The following RALGAPA1 variants were observed in gnomAD, a reference collection of about 807,000 sequenced individuals.
RALGAPA1 encodes the protein Ral GTPase activating protein catalytic subunit alpha 1, also known as ral GTPase-activating protein subunit alpha-1.
RALGAPA1 carries 52 observed loss-of-function variants against 269.6 expected under a neutral mutation model. The ratio of observed to expected loss-of-function variants is 0.19; its 90% CI spans 0.15 to 0.24. RALGAPA1 has a LOEUF of 0.24. RALGAPA1 is among the 10% of genes least tolerant of loss of function. RALGAPA1 has a pLI of 1.00. For synonymous variants in RALGAPA1, 817 were observed against 1,008.3 expected, an observed-to-expected ratio of 0.81 and a Z score of 3.60; for missense variants, 1,917 against 3,013.9, an observed-to-expected ratio of 0.64 and a Z score of 8.52.
rs536881156 is a variant in RALGAPA1, at chr14:35,670,878, G to A, written c.5202+511C>T. On this transcript the variant is annotated intron_variant, in intron 26 of 41. Transcript: ENST00000680220. ...GCGGAGGCTGCAGTGAGCCAAGATC[G>A]CACCACTGCACTCCAGCCTGGGCGA... 8.6e-5 allele frequency among the ~76,000 whole-genome samples: 13 copies of A among 150,970 alleles called. No homozygotes were observed. The East Asian group carries it at 2.1e-3, about 25-fold the overall frequency.
intron 37 of RALGAPA1, among the ~76,000 whole-genome samples, chr14:35,593,893 A>G (rs926222711): frequency 6.6e-6 from 1 of 151,892 alleles, no homozygotes; most frequent in Admixed American, 6.6e-5. Flanking sequence ...ATTATATTAC[A>G]AAGCTACAGT....
rs191314985 is a variant in RALGAPA1, at chr14:35,561,274, C to T, written c.7496+9343G>A. ...AAAATACAGTAACATCATCAACAGGCATATACTGCCATTTTTGAAAAGAAT... is the reference window on the plus strand; with the variant it reads ...AAAATACAGTAACATCATCAACAGGTATATACTGCCATTTTTGAAAAGAAT... On this transcript the variant is annotated intron_variant, in intron 39 of 41. Transcript: ENST00000680220. 3.4e-3 allele frequency among the ~76,000 whole-genome samples: 488 copies of T among 142,308 alleles called. 3 individuals carry two copies. Among genetic ancestry groups the T allele is most frequent in the African/African-American group, 0.012 (461 of 38,826 alleles). The allele number at this position is 142,308 out of a possible 152,430, so 93.4% of individuals were successfully genotyped here. A position where few individuals can be genotyped will look rare whatever the true frequency, so the allele number is the denominator to read the frequency against.
chr14:35,647,360 T>G (rs2062503635), intron 31 of RALGAPA1, among the ~76,000 whole-genome samples: 1 of 152,148 alleles, frequency 6.6e-6, no homozygotes, highest in Non-Finnish European at 1.5e-5. Context: ...CCATATACAG[T>G]TTATTCAAGT....
intron 35 of RALGAPA1, 75 bp downstream of exon 35, chr14:35,625,283 AAAT>A (rs2060925493): frequency 1.0e-6 from 1 of 986,736 alleles, no homozygotes; most frequent in African/African-American, 1.6e-5. Context: ...ATACTATTTA[AAAT>A]ATTATTCACA....
At chr14:35,754,332 C>T (rs564935034) in intron 7 of RALGAPA1, among the ~76,000 whole-genome samples, 1 of 152,232 alleles carries the variant, frequency 6.6e-6, no homozygotes, top group African/African-American at 2.4e-5. Flanking sequence ...AAACATACAT[C>T]TGACTAAGGA....
chr14:35,729,527 G>T (rs984094123), intron 12 of RALGAPA1, among the ~76,000 whole-genome samples: 2 of 152,178 alleles, frequency 1.3e-5, no homozygotes, highest in Non-Finnish European at 2.9e-5. Flanking sequence ...GGAAGAGTGG[G>T]TGGTAGAGAA....
chr14:35,774,770 A>G (rs1177877301), intron 3 of RALGAPA1, among the ~76,000 whole-genome samples: 1 of 152,182 alleles, frequency 6.6e-6, no homozygotes, highest in African/African-American at 2.4e-5. Context: ...ATATCATACC[A>G]ATTTTGTGGT....
intron 41 of RALGAPA1, among the ~76,000 whole-genome samples, chr14:35,547,053 T>C (rs981159199): frequency 1.3e-5 from 2 of 152,144 alleles, no homozygotes; most frequent in African/African-American, 4.8e-5. Context: ...ACAAGTTATT[T>C]ACAAGCAAAA....
chr14:35,698,173 A>T (rs2067047010), intron 17 of RALGAPA1, among the ~76,000 whole-genome samples: 1 of 152,214 alleles, frequency 6.6e-6, no homozygotes, highest in Non-Finnish European at 1.5e-5. Flanking sequence ...GAATACAACA[A>T]ATAAAATTGC....
chr14:35,626,487 T>C (rs1301320366), intron 34 of RALGAPA1, among the ~76,000 whole-genome samples: 2 of 152,184 alleles, frequency 1.3e-5, no homozygotes, highest in Non-Finnish European at 2.9e-5. Context: ...GTGTTTTATA[T>C]ACATTATCTG....
At chr14:35,725,739 G>A (rs2140991029) in intron 13 of RALGAPA1, among the ~76,000 whole-genome samples, 1 of 151,920 alleles carries the variant, frequency 6.6e-6, no homozygotes, top group Admixed American at 6.6e-5. Context: ...GGTGGCACAT[G>A]CCTATAGTCT....
intron 7 of RALGAPA1, among the ~76,000 whole-genome samples, chr14:35,755,319 C>T (rs1298208760): frequency 6.6e-6 from 1 of 152,116 alleles, no homozygotes; most frequent in Non-Finnish European, 1.5e-5. Flanking sequence ...GGCCACTGTA[C>T]TCCAGCCTGG....
At chr14:35,763,789 T>TAG (rs1196508433) in intron 4 of RALGAPA1, among the ~76,000 whole-genome samples, 29 of 151,238 alleles carry the variant, frequency 1.9e-4, no homozygotes, top group African/African-American at 2.7e-4. Context: ...TATATATATA[T>TAG]ATATAGAGAG....
chr14:35,562,217 G>C (rs2056318036), intron 39 of RALGAPA1, among the ~76,000 whole-genome samples: 1 of 152,188 alleles, frequency 6.6e-6, no homozygotes, highest in Non-Finnish European at 1.5e-5. Context: ...TGTTAAAGCA[G>C]CAAAATTGGA....
At chr14:35,675,040 T>C (rs1163979487) in intron 22 of RALGAPA1, among the ~76,000 whole-genome samples, 1 of 152,218 alleles carries the variant, frequency 6.6e-6, no homozygotes, top group Non-Finnish European at 1.5e-5. Context: ...CTCTCACTTT[T>C]ATCTAATAGC....
chr14:35,751,031 A>G (rs1475986051), intron 8 of RALGAPA1, among the ~76,000 whole-genome samples: 1 of 152,206 alleles, frequency 6.6e-6, no homozygotes, highest in Non-Finnish European at 1.5e-5. Context: ...TTGAAGTCAT[A>G]CAAAATATGA....
chr14:35,759,729 G>A (rs2073531846), intron 6 of RALGAPA1, among the ~76,000 whole-genome samples: 1 of 151,880 alleles, frequency 6.6e-6, no homozygotes, highest in African/African-American at 2.4e-5. Context: ...GGCCAACATG[G>A]CGAAACCCTG....
rs73247069 is a variant in RALGAPA1 at position 35,573,496 on chromosome 14, C to T, written c.7210-778G>A. Among the ~76,000 whole-genome samples, 1,197 of 152,182 alleles carry T rather than the reference C, an allele frequency of 7.9e-3. 17 individuals are homozygous for T. Among genetic ancestry groups the T allele is most frequent in the African/African-American group, 0.027 (1,128 of 41,538 alleles). ...CATTAGTTTCAGATAACTAGACACACGGCAGGTGGAAAGGTTTAGAAGAGT... is the reference window on the plus strand; with the variant it reads ...CATTAGTTTCAGATAACTAGACACATGGCAGGTGGAAAGGTTTAGAAGAGT... On this transcript the variant is annotated intron_variant, in intron 37 of 41. Coordinates refer to ENST00000680220, the MANE Select transcript of RALGAPA1 (RefSeq NM_001346249.2).
chr14:35,791,357 A>G (rs185976698), intron 1 of RALGAPA1, among the ~76,000 whole-genome samples: 34 of 152,330 alleles, frequency 2.2e-4, no homozygotes, highest in African/African-American at 7.5e-4. Context: ...TAATCCCAGC[A>G]CTTTGGGAGG....
Sources: gnomAD v4.1 joint callset for allele counts (sites outside exome capture counted in the v4.1 genomes callset) on GRCh38, gnomAD v4.1.1 for gene constraint, MANE v1.5 for transcripts, NCBI Gene and HGNC (gene_info 2026-07-23, HGNC 2026-07-21) for gene names.